The following GALNT17 variants were observed in gnomAD, a reference collection of about 807,000 sequenced individuals.
The protein encoded by GALNT17 is UDP-GalNAc:polypeptide N-acetylgalactosaminyltransferase-like 3.
A neutral mutation model predicts 63.7 loss-of-function variants in GALNT17; 29 were observed. That is an observed-to-expected ratio of 0.46 (90% CI 0.34 to 0.62). The LOEUF (loss-of-function observed/expected upper bound fraction) is 0.62, where lower values mean the gene tolerates loss of function less well. Among genes scored for constraint, GALNT17 ranks in the 20% least tolerant of loss-of-function variants. GALNT17 has a pLI of 0.01. For synonymous variants in GALNT17, 305 were observed against 318.3 expected (o/e 0.96, Z 0.45); for missense variants, 603 against 799.6 (o/e 0.75, Z 2.97).
At chr7:71,435,918 G>A (rs1457531772) in intron 5 of GALNT17, among the ~76,000 whole-genome samples, 4 of 151,810 alleles carry the variant, frequency 2.6e-5, no homozygotes, top group African/African-American at 9.7e-5. Flanking sequence ...TACTCGGGAG[G>A]CTGAGGCAGG....
chr7:71,415,732 C>A (rs1179972832), intron 3 of GALNT17, among the ~76,000 whole-genome samples, 157 bp from the exon 4 acceptor site: 1 of 152,074 alleles, frequency 6.6e-6, no homozygotes, highest in Non-Finnish European at 1.5e-5. Context: ...TCTTCTGACT[C>A]CTAGACTGAT....
chr7:71,497,151 C>T (rs1788109770), intron 5 of GALNT17, among the ~76,000 whole-genome samples: 1 of 152,090 alleles, frequency 6.6e-6, no homozygotes, highest in South Asian at 2.1e-4. Flanking sequence ...GATGTGGGTC[C>T]TCATCCTCTA....
At chr7:71,590,753 G>A (rs1789785344) in intron 6 of GALNT17, among the ~76,000 whole-genome samples, 3 of 152,130 alleles carry the variant, frequency 2.0e-5, no homozygotes, top group Non-Finnish European at 4.4e-5. Context: ...TTGAGATGGA[G>A]TTTCACTCTT....
At chr7:71,388,682 AC>A (rs1563056794) in intron 3 of GALNT17, among the ~76,000 whole-genome samples, 1 of 151,760 alleles carries the variant, frequency 6.6e-6, no homozygotes, top group East Asian at 1.9e-4. Context: ...ACCCGGCACC[AC>A]GCCTGGCTAA....
At chr7:71,670,180 A>C in intron 8 of GALNT17, 71 bp downstream of exon 8, 1 of 1,595,546 alleles carries the variant, frequency 6.3e-7, no homozygotes, top group Non-Finnish European at 8.6e-7. Flanking sequence ...CGCTGGGGAG[A>C]AATAGAGTTG....
chr7:71,632,380 G>A (rs1168130613), intron 6 of GALNT17, among the ~76,000 whole-genome samples: 3 of 152,158 alleles, frequency 2.0e-5, no homozygotes, highest in Non-Finnish European at 2.9e-5. Flanking sequence ...CCCATTGCCC[G>A]GTGTTGGGGT....
At chr7:71,319,654 C>G (rs990758254) in intron 1 of GALNT17, among the ~76,000 whole-genome samples, 1 of 152,186 alleles carries the variant, frequency 6.6e-6, no homozygotes, top group Non-Finnish European at 1.5e-5. Context: ...CAACCAAACT[C>G]TTGATTCCAT....
chr7:71,369,717 A>G (rs1792584135), intron 2 of GALNT17, among the ~76,000 whole-genome samples: 1 of 150,702 alleles, frequency 6.6e-6, no homozygotes, highest in Admixed American at 6.7e-5. Flanking sequence ...GGAGGCTGCG[A>G]CACAAGAATC....
At chr7:71,630,571 T>C (rs1372604907) in intron 6 of GALNT17, among the ~76,000 whole-genome samples, 2 of 152,188 alleles carry the variant, frequency 1.3e-5, no homozygotes, top group African/African-American at 4.8e-5. Flanking sequence ...TTGATACCCA[T>C]TTAGTGGACA....
intron 1 of GALNT17, among the ~76,000 whole-genome samples, chr7:71,166,215 G>A (rs1183093587): frequency 1.3e-5 from 2 of 152,218 alleles, no homozygotes; most frequent in Admixed American, 6.5e-5. Flanking sequence ...GCTAAATACT[G>A]CGTGTGCTTG....
rs544099067 is a variant in GALNT17 at position 71,342,515 on chromosome 7, A to G, written c.422+6782A>G. On this transcript the variant is annotated intron_variant, in intron 2 of 10. Transcript: ENST00000333538. The stretch of plus-strand genomic sequence containing the variant: ...CTGATAGACACAAAACAGCTTGTGA[A>G]AAAGCAAAGCAATTAATACAGAAAA... Among the ~76,000 whole-genome samples the G allele has an allele frequency of 1.1e-4, 16 of 152,356 alleles. No homozygotes were observed. The East Asian group carries it at 3.1e-3, about 29-fold the overall frequency.
At chr7:71,690,182 G>T (rs761279155) in intron 9 of GALNT17, among the ~76,000 whole-genome samples, 2 of 151,752 alleles carry the variant, frequency 1.3e-5, no homozygotes, top group Admixed American at 6.6e-5. Flanking sequence ...GCACCATCAC[G>T]CCCAGCTAAT....
intron 1 of GALNT17, among the ~76,000 whole-genome samples, chr7:71,328,842 C>A (rs898974172): frequency 3.9e-5 from 6 of 152,102 alleles, no homozygotes; most frequent in East Asian, 3.9e-4. Context: ...AGAAAAAAAT[C>A]TCATTGGGAC....
intron 3 of GALNT17, among the ~76,000 whole-genome samples, chr7:71,395,962 ACT>A (rs1373577894): frequency 2.6e-5 from 4 of 152,114 alleles, no homozygotes; most frequent in Non-Finnish European, 5.9e-5. Flanking sequence ...TAAATTATTG[ACT>A]CATAATTATT....
chr7:71,602,260 A>G (rs757031331), intron 6 of GALNT17, among the ~76,000 whole-genome samples: 19 of 152,208 alleles, frequency 1.2e-4, no homozygotes, highest in Non-Finnish European at 2.5e-4. Flanking sequence ...ATCTTTTGAC[A>G]AATATTGCTC....
chr7:71,597,760 GC>G (rs1789909494), intron 6 of GALNT17, among the ~76,000 whole-genome samples: 1 of 152,018 alleles, frequency 6.6e-6, no homozygotes, highest in Non-Finnish European at 1.5e-5. Flanking sequence ...TGTGGGACTG[GC>G]CCCATCTCTG....
chr7:71,468,143 G>T (rs113705685), intron 5 of GALNT17, among the ~76,000 whole-genome samples: 4 of 151,512 alleles, frequency 2.6e-5, no homozygotes, highest in Admixed American at 2.0e-4. Context: ...TCCTCCTGCC[G>T]CAGTCTATAG....
intron 1 of GALNT17, among the ~76,000 whole-genome samples, chr7:71,213,560 G>A (rs940132503): frequency 4.6e-5 from 7 of 152,120 alleles, no homozygotes; most frequent in African/African-American, 1.7e-4. Context: ...CATTTACTCA[G>A]TAACCCAGCC....
At chr7:71,176,014 G>T (rs561167881) in intron 1 of GALNT17, among the ~76,000 whole-genome samples, 1 of 152,108 alleles carries the variant, frequency 6.6e-6, no homozygotes, top group Non-Finnish European at 1.5e-5. Context: ...AAATGTGGAG[G>T]TCTGTAGTCA....
Sources: allele counts gnomAD v4.1 joint callset (sites outside exome capture counted in the v4.1 genomes callset), GRCh38; gene constraint gnomAD v4.1.1; transcripts MANE v1.5; gene names NCBI Gene and HGNC (gene_info 2026-07-23, HGNC 2026-07-21).